Variants in YLPM1 observed in about 807,000 individuals in gnomAD.
YLPM1 encodes YLP motif containing 1, also known as YLP motif-containing protein 1.
Under a neutral mutation model 230.0 loss-of-function variants are expected in YLPM1, and 99 were observed. The ratio of observed to expected loss-of-function variants is 0.43; its 90% confidence interval spans 0.37 to 0.51. The LOEUF (loss-of-function observed/expected upper bound fraction) is 0.51, where lower values mean the gene tolerates loss of function less well. Ranked by LOEUF, YLPM1 falls within the 20% of genes least tolerant of loss-of-function variation. The pLI, the probability that YLPM1 is intolerant of heterozygous loss-of-function variation, is 0.00. For synonymous variants in YLPM1, 984 were observed against 942.5 expected (o/e 1.04, Z -0.81); for missense variants, 2,592 against 2,707.7 (o/e 0.96, Z 0.95).
At chr14:74,797,411 C>T (rs2091275244) in intron 4 of YLPM1, among the ~76,000 whole-genome samples, 169 bp from the exon 5 acceptor site, 1 of 151,988 alleles carries the variant, frequency 6.6e-6, no homozygotes, top group Non-Finnish European at 1.5e-5. Context: ...AGCACTGCCA[C>T]CTTAACATAC....
chr14:74,796,454 T>C (rs950733609), intron 4 of YLPM1, among the ~76,000 whole-genome samples: 21 of 152,388 alleles, frequency 1.4e-4, no homozygotes, highest in African/African-American at 5.0e-4. Context: ...AGAAGTTGTC[T>C]TTTAAAACTC....
chr14:74,764,292 G>T lies in YLPM1; in HGVS notation c.803G>T (p.Gly268Val). 2 of 1,613,770 alleles carry T rather than the reference G, an allele frequency of 1.2e-6. No homozygotes were observed. Among genetic ancestry groups the T allele is most frequent in the Non-Finnish European group, 1.7e-6 (2 of 1,179,844 alleles). Reference sequence around the variant, plus strand: ...GTCCAGCAAGAGCCTTTGGAGAGTGGGGCCAAAAACAAGAGTACTGAACAG... The same window carrying T: ...GTCCAGCAAGAGCCTTTGGAGAGTGTGGCCAAAAACAAGAGTACTGAACAG... ...TTVQQEPLES[G>V]AKNKSTEQQQ... Residue 268 changes from glycine to valine, a missense_variant, in exon 1 of 21, where the codon GGG becomes GTG. Gly to Val is a moderately radical substitution (Grantham distance 109). Around this residue, in one of 4 missense-constraint regions of YLPM1, gnomAD observed 1,862 missense variants for 1,819.8 expected, o/e 1.02. Coordinates refer to ENST00000325680, the MANE Select transcript of YLPM1 (RefSeq NM_019589.3).
intron 4 of YLPM1, among the ~76,000 whole-genome samples, chr14:74,785,967 GT>G (rs1206646015): frequency 3.3e-5 from 5 of 152,122 alleles, no homozygotes; most frequent in Non-Finnish European, 5.9e-5. Context: ...ATGGATGTTG[GT>G]TTTCCAGGAC....
At chr14:74,832,337 A>C (rs2091613423) in intron 19 of YLPM1, among the ~76,000 whole-genome samples, 1 of 152,212 alleles carries the variant, frequency 6.6e-6, no homozygotes, top group Non-Finnish European at 1.5e-5. Flanking sequence ...GAGTCCTCTT[A>C]AGGAGCTGAC....
intron 4 of YLPM1, among the ~76,000 whole-genome samples, chr14:74,786,347 G>A (rs1269638875): frequency 7.8e-6 from 1 of 128,878 alleles, no homozygotes; most frequent in Non-Finnish European, 1.6e-5. Context: ...GGGTGACAGA[G>A]TGAGACTCCG....
chr14:74,808,498 A>C (rs1030676222), intron 6 of YLPM1, among the ~76,000 whole-genome samples: 3 of 151,868 alleles, frequency 2.0e-5, no homozygotes, highest in Non-Finnish European at 4.4e-5. Flanking sequence ...GAAATTGCTG[A>C]GCCATATGAT....
intron 12 of YLPM1, 54 bp from the exon 13 acceptor site, chr14:74,816,517 A>T: frequency 6.4e-7 from 1 of 1,559,520 alleles, no homozygotes; most frequent in Non-Finnish European, 8.7e-7. Context: ...TTTGGTGTGA[A>T]CATTAATTTA....
intron 15 of YLPM1, among the ~76,000 whole-genome samples, chr14:74,817,795 C>G (rs1313737696): frequency 6.6e-6 from 1 of 152,008 alleles, no homozygotes; most frequent in Non-Finnish European, 1.5e-5. Flanking sequence ...TGGCTTAGGC[C>G]TGTAATCCCA....
intron 1 of YLPM1, among the ~76,000 whole-genome samples, chr14:74,773,389 AAAG>A (rs1420693834): frequency 6.6e-6 from 1 of 152,230 alleles, no homozygotes; most frequent in African/African-American, 2.4e-5. Flanking sequence ...GATCTAAGAC[AAAG>A]CATGAGAATA....
chr14:74,818,845 T>C (rs1326485391), intron 16 of YLPM1, among the ~76,000 whole-genome samples: 1 of 152,208 alleles, frequency 6.6e-6, no homozygotes, highest in Non-Finnish European at 1.5e-5. Context: ...GTCATTGTCA[T>C]GAAAGATAAA....
intron 19 of YLPM1, among the ~76,000 whole-genome samples, chr14:74,830,329 GA>G (rs1473062692): frequency 5.9e-5 from 9 of 152,192 alleles, no homozygotes; most frequent in African/African-American, 2.2e-4. Flanking sequence ...TAGGATATTA[GA>G]TAGGTCTTTA....
At chr14:74,804,235 A>AT (rs1168313350) in intron 6 of YLPM1, among the ~76,000 whole-genome samples, 1 of 152,208 alleles carries the variant, frequency 6.6e-6, no homozygotes, top group East Asian at 1.9e-4. Context: ...GACTACCCCT[A>AT]TACTCCACTT....
At position 74,763,922 on chromosome 14, in the gene YLPM1, T is replaced by TCC; in HGVS notation, c.439_440dup (p.Glu148LeufsTer72). The TCC allele has an allele frequency of 6.9e-7, 1 of 1,456,044 alleles. No homozygotes were observed. Among genetic ancestry groups the TCC allele is most frequent in the Non-Finnish European group, 9.0e-7 (1 of 1,109,604 alleles). The allele number at this position is 1,456,044 out of a possible 1,614,324, so 90.2% of individuals were successfully genotyped here. A position where few individuals can be genotyped will look rare whatever the true frequency, so the allele number is the denominator to read the frequency against. ...TGGTTTGGTTCCAATGGAGCTGGAATCCCCCCCTGAATCTCCCCCTGTGCC... is the reference window on the plus strand; with the variant it reads ...TGGTTTGGTTCCAATGGAGCTGGAATCCCCCCCCCTGAATCTCCCCCTGTGCC... On this transcript the variant is annotated frameshift_variant, in exon 1 of 21. Transcript: ENST00000325680. LOFTEE classifies it high-confidence loss of function.
At position 74,799,077 on chromosome 14, in the gene YLPM1, G is replaced by T; in HGVS notation, c.3780G>T (p.Arg1260Ser). 1 of 1,613,992 alleles carries T rather than the reference G, an allele frequency of 6.2e-7. No homozygotes were observed. Among genetic ancestry groups the T allele is most frequent in the East Asian group, 2.2e-5 (1 of 44,886 alleles). Reference protein sequence around the residue: ...APPSRSHDGDRRGPWWDDWER... With the variant: ...APPSRSHDGDSRGPWWDDWER... The stretch of plus-strand genomic sequence containing the variant: ...CATCTCGGTCTCATGATGGAGATAG[G>T]CGAGGCCCTTGGTGGGATGATTGGG... Residue 1260 changes from arginine to serine, a missense_variant, in exon 5 of 21, where the codon AGG (arginine) becomes AGT (serine). Arg to Ser is a moderately radical substitution (Grantham distance 110, BLOSUM62 -1). Coordinates refer to ENST00000325680, the MANE Select transcript of YLPM1 (RefSeq NM_019589.3).
intron 4 of YLPM1, among the ~76,000 whole-genome samples, chr14:74,794,252 A>G (rs1029254078): frequency 2.6e-5 from 4 of 151,898 alleles, no homozygotes; most frequent in African/African-American, 7.3e-5. Flanking sequence ...GCACCACCTC[A>G]GGCTCACTGC....
intron 6 of YLPM1, among the ~76,000 whole-genome samples, chr14:74,803,698 C>A (rs556216351): frequency 6.6e-6 from 1 of 152,302 alleles, no homozygotes; most frequent in African/African-American, 2.4e-5. Flanking sequence ...ATCACCTAGT[C>A]ACCCTAACTT....
At chr14:74,820,380 C>G (rs2091511366) in intron 16 of YLPM1, among the ~76,000 whole-genome samples, 1 of 152,258 alleles carries the variant, frequency 6.6e-6, no homozygotes, top group African/African-American at 2.4e-5. Flanking sequence ...TCCTGAGTAG[C>G]TGAGACTACA....
chr14:74,824,337 T>C (rs1235646002), intron 18 of YLPM1, 30 bp downstream of exon 18: 4 of 1,601,068 alleles, frequency 2.5e-6, no homozygotes, highest in African/African-American at 2.7e-5. Flanking sequence ...TGTTTTTATA[T>C]GTGATACCTG....
At chr14:74,828,039 G>C (rs1262496397) in intron 18 of YLPM1, 2 of 981,852 alleles carry the variant, frequency 2.0e-6, no homozygotes, top group East Asian at 1.1e-4. Context: ...AGGGGGCTTA[G>C]GAACAAAAAA....
Sources: allele counts gnomAD v4.1 joint callset (sites outside exome capture counted in the v4.1 genomes callset), GRCh38; gene constraint gnomAD v4.1.1; regional missense constraint gnomAD v4.1.1; transcripts MANE v1.5; gene names NCBI Gene and HGNC (gene_info 2026-07-23, HGNC 2026-07-21).